ACLY: variants seen among roughly 807,000 people sequenced by gnomAD.
ACLY encodes ATP-citrate synthase.
In ACLY, 41 loss-of-function variants were observed where a neutral mutation model predicts 133.0. That is an observed-to-expected ratio of 0.31 (90% CI 0.24 to 0.40). ACLY has a LOEUF of 0.40. Among genes scored for constraint, ACLY ranks in the 10% least tolerant of loss-of-function variants. The pLI, the probability that ACLY is intolerant of heterozygous loss-of-function variation, is 1.00. For synonymous variants in ACLY, 495 were observed against 549.3 expected (o/e 0.90, Z 1.38); for missense variants, 1,046 against 1,453.8 (o/e 0.72, Z 4.56).
chr17:41,930,421 T>C (rs1555636484), exon 1 of ACLY: 3 of 318,608 alleles, frequency 9.4e-6, no homozygotes, highest in Non-Finnish European at 1.8e-5. Context: ...CTTGGCTGTC[T>C]TACAAGGGAG....
At chr17:41,883,094 G>C (rs2048962813) in intron 20 of ACLY, 28 bp downstream of exon 20, 1 of 1,592,740 alleles carries the variant, frequency 6.3e-7, no homozygotes, top group Middle Eastern at 1.7e-4. Context: ...CCCACTCCCA[G>C]CCCAGAAGTG....
chr17:41,899,327 A>G lies in ACLY; in HGVS notation c.1184-542T>C, dbSNP rs569146075. Among the ~76,000 whole-genome samples, 14 of 151,950 alleles carry G rather than the reference A, an allele frequency of 9.2e-5. No homozygotes were observed. The South Asian group carries it at 1.2e-3, about 14-fold the overall frequency. ...ACATATTTACTGGCAAGATTCAAGT[A>G]ACCAAATTATCAGAGCCCATATTCC... On this transcript the variant is annotated intron_variant, in intron 11 of 28. Transcript: ENST00000352035.
intron 8 of ACLY, among the ~76,000 whole-genome samples, chr17:41,906,199 C>G (rs1467819836): frequency 2.6e-5 from 4 of 152,174 alleles, no homozygotes; most frequent in Non-Finnish European, 4.4e-5. Flanking sequence ...AACTTGCTAA[C>G]TGGGGTGACC....
At position 41,867,393 on chromosome 17, in the gene ACLY, G is replaced by A. The variant is rs2048494375; in HGVS notation, c.*417C>T. Reference sequence around the variant, plus strand: ...AAAAAAAAAAGAGAGACATTGGGGTGCTTTAAATGTATAGTATCTTGAGGC... The same window carrying A: ...AAAAAAAAAAGAGAGACATTGGGGTACTTTAAATGTATAGTATCTTGAGGC... On this transcript the variant is annotated 3_prime_UTR_variant, in exon 29 of 29. Transcript: ENST00000352035. 1 of 153,126 alleles carries A rather than the reference G, an allele frequency of 6.5e-6. No individual in the cohort carries two copies. The highest frequency in any genetic ancestry group is 2.4e-5 in the African/African-American group (1 of 41,388). The allele number at this position is 153,126 out of a possible 1,614,324, so 9.5% of individuals were successfully genotyped here.
chr17:41,915,328 G>A (rs1454172122), intron 1 of ACLY, among the ~76,000 whole-genome samples: 1 of 152,194 alleles, frequency 6.6e-6, no homozygotes, highest in Admixed American at 6.5e-5. Flanking sequence ...CAGAAGCAAA[G>A]CTGTTTAATT....
intron 1 of ACLY, among the ~76,000 whole-genome samples, chr17:41,917,621 G>C (rs181288544): frequency 6.6e-6 from 1 of 152,184 alleles, no homozygotes; most frequent in East Asian, 1.9e-4. Flanking sequence ...TTGAAGGTTA[G>C]TATCTGCAGG....
intron 14 of ACLY, among the ~76,000 whole-genome samples, chr17:41,896,039 C>T (rs140120314): frequency 3.9e-5 from 6 of 152,282 alleles, no homozygotes; most frequent in African/African-American, 1.4e-4. Flanking sequence ...CACCCTTCTG[C>T]GCTTCCGTCT....
intron 11 of ACLY, among the ~76,000 whole-genome samples, chr17:41,901,250 G>T (rs1668814225): frequency 6.6e-6 from 1 of 151,848 alleles, no homozygotes; most frequent in Admixed American, 6.6e-5. Flanking sequence ...GCCCAGCCTT[G>T]ATCAAGTTTG....
Position 41,869,084 on chromosome 17 carries a change from G to C in ACLY, c.3093C>G (p.Val1031=). ...AGTTTCTAAGCATGTCTACAAATGCGACTCCGATGAGACCATCTACATTCA... is the reference window on the plus strand; with the variant it reads ...AGTTTCTAAGCATGTCTACAAATGCCACTCCGATGAGACCATCTACATTCA... The part of the protein sequence containing the change: ...LILNVDGLIG[V]AFVDMLRNCG... The change falls in exon 27 of 29, where the codon GTC becomes GTG. Residue 1031 remains valine, a synonymous_variant. Coordinates refer to ENST00000352035, the MANE Select transcript of ACLY (RefSeq NM_001096.3). The C allele has an allele frequency of 6.2e-7, 1 of 1,613,906 alleles. No individual in the cohort carries two copies.
At chr17:41,892,883 G>T in intron 15 of ACLY, 150 bp downstream of exon 15, 1 of 935,430 alleles carries the variant, frequency 1.1e-6, no homozygotes, top group Non-Finnish European at 1.6e-6. Flanking sequence ...TCCCTATGTT[G>T]CCCAGGGCTG....
At chr17:41,910,182 A>G in intron 4 of ACLY, 40 bp downstream of exon 4, 1 of 1,597,704 alleles carries the variant, frequency 6.3e-7, no homozygotes. Context: ...CCAAGGTTCC[A>G]GGAGGGAGAA....
chr17:41,893,054 G>C lies in ACLY; in HGVS notation c.1580C>G (p.Ala527Gly). 1 of 1,613,808 alleles carries C rather than the reference G, an allele frequency of 6.2e-7. No homozygotes were observed. Among genetic ancestry groups the C allele is most frequent in the East Asian group, 2.2e-5 (1 of 44,864 alleles). ...TCACGTGAAAGGGTAGACCATGGCA[G>C]CCACTGAGGGCTCGTCTCGGGAGCA... Reference protein sequence around the residue: ...YVCSRDEPSVAAMVYPFTGDH... With the variant: ...YVCSRDEPSVGAMVYPFTGDH... The change falls in exon 15 of 29, where the codon GCT (alanine) becomes GGT (glycine). Residue 527 changes from alanine (A) to glycine (G), a missense_variant. By Grantham distance (60) the Ala-to-Gly change is moderately conservative. This residue lies in a region of ACLY where 575 missense variants were observed against 804.2 expected (regional missense o/e 0.71). Transcript: ENST00000352035.
intron 8 of ACLY, among the ~76,000 whole-genome samples, 157 bp downstream of exon 8, chr17:41,906,371 C>G (rs2144379763): frequency 6.6e-6 from 1 of 152,328 alleles, no homozygotes; most frequent in South Asian, 2.1e-4. Context: ...GCAGGACAGG[C>G]CCTCACCAAC....
chr17:41,894,244 G>A (rs1322826188), intron 14 of ACLY, among the ~76,000 whole-genome samples: 1 of 150,588 alleles, frequency 6.6e-6, no homozygotes, highest in Non-Finnish European at 1.5e-5. Flanking sequence ...AATTAGCGTG[G>A]TGGCATGCAC....
chr17:41,897,612 G>C (rs2049407887), intron 13 of ACLY, 137 bp downstream of exon 13: 1 of 737,152 alleles, frequency 1.4e-6, no homozygotes, highest in African/African-American at 1.8e-5. Context: ...TCGTGTCCCA[G>C]GTGCACTCCC....
chr17:41,921,480 A>G (rs1416296689), upstream of ACLY, among the ~76,000 whole-genome samples: 5 of 134,560 alleles, frequency 3.7e-5, no homozygotes, highest in South Asian at 2.3e-4. Context: ...CCTGTCTCAG[A>G]AAAAAAAAAA....
At chr17:41,874,647 C>T (rs2048686122) in intron 22 of ACLY, among the ~76,000 whole-genome samples, 1 of 150,252 alleles carries the variant, frequency 6.7e-6, no homozygotes, top group Non-Finnish European at 1.5e-5. Flanking sequence ...GATCTCAGCT[C>T]ACTGCAAGCT....
intron 22 of ACLY, among the ~76,000 whole-genome samples, chr17:41,877,443 CTTTTT>C (rs35203873): frequency 1.5e-5 from 2 of 135,244 alleles, no homozygotes; most frequent in Non-Finnish European, 1.6e-5. Context: ...AGGCCCAGCC[CTTTTT>C]TTTTTTTTTT....
At chr17:41,908,749 G>A (rs2049802165) in intron 6 of ACLY, among the ~76,000 whole-genome samples, 1 of 152,190 alleles carries the variant, frequency 6.6e-6, no homozygotes, top group Non-Finnish European at 1.5e-5. Flanking sequence ...GGGCGACAGG[G>A]CAAGACTCTG....
Sources: allele counts gnomAD v4.1 joint callset (sites outside exome capture counted in the v4.1 genomes callset), GRCh38; gene constraint gnomAD v4.1.1; regional missense constraint gnomAD v4.1.1; transcripts MANE v1.5; gene names NCBI Gene and HGNC (gene_info 2026-07-23, HGNC 2026-07-21).